Variants in CDC42BPA observed in about 807,000 individuals in gnomAD.
The protein encoded by CDC42BPA is serine/threonine-protein kinase MRCK alpha.
A neutral mutation model predicts 223.5 loss-of-function variants in CDC42BPA; 80 were observed. The ratio of observed to expected loss-of-function variants is 0.36; its 90% CI spans 0.30 to 0.43. The LOEUF (loss-of-function observed/expected upper bound fraction) is 0.43, where lower values mean the gene tolerates loss of function less well. CDC42BPA is among the 20% of genes least tolerant of loss of function. CDC42BPA has a pLI of 1.00. For synonymous variants in CDC42BPA, 694 were observed against 718.6 expected, an observed-to-expected ratio of 0.97 and a Z score of 0.55; for missense variants, 1,743 against 2,099.9, an observed-to-expected ratio of 0.83 and a Z score of 3.32.
At chr1:227,222,678 G>T (rs1007879316) in intron 2 of CDC42BPA, among the ~76,000 whole-genome samples, 5 of 152,208 alleles carry the variant, frequency 3.3e-5, no homozygotes, top group African/African-American at 1.2e-4. Flanking sequence ...CAGTCTGTTA[G>T]CATTAGATCA....
chr1:227,083,454 A>G (rs1435299486), intron 16 of CDC42BPA, among the ~76,000 whole-genome samples: 3 of 152,174 alleles, frequency 2.0e-5, no homozygotes, highest in Non-Finnish European at 4.4e-5. Flanking sequence ...TCTTGAACAA[A>G]TCACACGATT....
At chr1:227,088,566 C>T (rs1414998580) in intron 16 of CDC42BPA, among the ~76,000 whole-genome samples, 2 of 152,154 alleles carry the variant, frequency 1.3e-5, no homozygotes, top group Admixed American at 1.3e-4. Flanking sequence ...ATATTTTCCA[C>T]ATTTTTTGAA....
intron 5 of CDC42BPA, among the ~76,000 whole-genome samples, chr1:227,176,097 C>A (rs996828789): frequency 6.6e-6 from 1 of 152,028 alleles, no homozygotes; most frequent in Non-Finnish European, 1.5e-5. Flanking sequence ...GGACTACAGG[C>A]GTGTGATACC....
At chr1:227,103,757 CAATAA>C (rs1437309133) in intron 14 of CDC42BPA, among the ~76,000 whole-genome samples, 7 of 152,008 alleles carry the variant, frequency 4.6e-5, no homozygotes, top group African/African-American at 1.4e-4. Context: ...CACCAGCTAG[CAATAA>C]AATAACAAAA....
chr1:227,018,315 G>C (rs1666711475), intron 32 of CDC42BPA, among the ~76,000 whole-genome samples: 1 of 152,190 alleles, frequency 6.6e-6, no homozygotes, highest in Non-Finnish European at 1.5e-5. Flanking sequence ...GTGGCAATGG[G>C]AGATTTTGGA....
intron 2 of CDC42BPA, among the ~76,000 whole-genome samples, chr1:227,249,841 T>C (rs1459570086): frequency 6.6e-6 from 1 of 152,074 alleles, no homozygotes; most frequent in African/African-American, 2.4e-5. Flanking sequence ...ATGGGGATGA[T>C]TAATGAGTAC....
chr1:227,139,771 C>A, intron 9 of CDC42BPA, 29 bp from the exon 10 acceptor site: 1 of 1,386,606 alleles, frequency 7.2e-7, no homozygotes, highest in Non-Finnish European at 9.5e-7. Context: ...AATGTAGGTT[C>A]ATACTGTGAT....
chr1:227,035,734 G>C (rs1163648835), intron 24 of CDC42BPA, 127 bp from the exon 25 acceptor site: 1 of 613,440 alleles, frequency 1.6e-6, no homozygotes, highest in Non-Finnish European at 2.7e-6. Context: ...TTAAATAACT[G>C]TTTTATCATT....
In CDC42BPA at chr1:227,202,312, A is replaced by G. The variant is rs1421109422; in HGVS notation, c.355-2660T>C. The stretch of plus-strand genomic sequence containing the variant: ...GGTTCTTTTTAAGGGGAAAACAGAA[A>G]GCACTTTACATACTTACTACCAAGT... On this transcript the variant is annotated intron_variant, in intron 3 of 36. Coordinates refer to ENST00000366766, the MANE Select transcript of CDC42BPA (RefSeq NM_001394014.1). Among the ~76,000 whole-genome samples, 5 of 152,300 alleles carry G rather than the reference A, an allele frequency of 3.3e-5. No homozygotes were observed. The South Asian group carries it at 8.3e-4, about 25-fold the overall frequency.
At chr1:227,088,619 T>A (rs2149216290) in intron 16 of CDC42BPA, among the ~76,000 whole-genome samples, 1 of 152,318 alleles carries the variant, frequency 6.6e-6, no homozygotes, top group South Asian at 2.1e-4. Flanking sequence ...AAATTACAAC[T>A]TTTCTTACTG....
At chr1:227,237,849 G>A (rs1012262915) in intron 2 of CDC42BPA, among the ~76,000 whole-genome samples, 1 of 151,556 alleles carries the variant, frequency 6.6e-6, no homozygotes, top group Non-Finnish European at 1.5e-5. Context: ...AGACCAGCCT[G>A]ACCAACATGG....
chr1:227,185,259 G>T (rs556291197), intron 5 of CDC42BPA, among the ~76,000 whole-genome samples: 1 of 152,208 alleles, frequency 6.6e-6, no homozygotes, highest in East Asian at 1.9e-4. Flanking sequence ...GTCCTTGGAA[G>T]ATTTTTCGCA....
intron 34 of CDC42BPA, among the ~76,000 whole-genome samples, chr1:227,013,191 TG>T (rs1025230794): frequency 1.3e-5 from 2 of 152,052 alleles, no homozygotes; most frequent in Non-Finnish European, 2.9e-5. Flanking sequence ...CATTAAAAAC[TG>T]AAATGCAATG....
chr1:227,125,464 T>C (rs776286936), intron 11 of CDC42BPA, among the ~76,000 whole-genome samples: 1 of 151,482 alleles, frequency 6.6e-6, no homozygotes, highest in Non-Finnish European at 1.5e-5. Flanking sequence ...ATACAAAAAA[T>C]TAGCTGGGTG....
chr1:227,076,709 T>G (rs1679562610), intron 17 of CDC42BPA, among the ~76,000 whole-genome samples: 1 of 152,222 alleles, frequency 6.6e-6, no homozygotes, highest in African/African-American at 2.4e-5. Context: ...TTATTATTAC[T>G]ATACATAATC....
chr1:227,151,871 C>G (rs1661817908), intron 6 of CDC42BPA, among the ~76,000 whole-genome samples: 1 of 107,074 alleles, frequency 9.3e-6, no homozygotes, highest in Non-Finnish European at 1.8e-5. Context: ...AGGTCATAAC[C>G]CAGTCTCTAC....
intron 23 of CDC42BPA, among the ~76,000 whole-genome samples, chr1:227,045,224 A>T (rs1672191970): frequency 6.6e-6 from 1 of 152,114 alleles, no homozygotes; most frequent in South Asian, 2.1e-4. Context: ...TCAAAATGCA[A>T]TTTTTTCCCC....
chr1:227,185,293 T>G (rs1459416810), intron 5 of CDC42BPA, among the ~76,000 whole-genome samples: 1 of 152,142 alleles, frequency 6.6e-6, no homozygotes, highest in Non-Finnish European at 1.5e-5. Context: ...ATGAAAGCCT[T>G]GGGTCTTAGA....
rs143404397 is a variant in CDC42BPA, at chr1:226,994,828, C to T, written c.5128G>A (p.Gly1710Arg). The T allele has an allele frequency of 1.9e-5, 30 of 1,609,718 alleles. No individual in the cohort carries two copies. Among genetic ancestry groups the T allele is most frequent in the East Asian group, 4.5e-5 (2 of 44,764 alleles). Residue 1710 changes from glycine (G) to arginine (R), a missense_variant, in exon 36 of 37, where the codon GGA becomes AGA. Coordinates refer to ENST00000366766, the MANE Select transcript of CDC42BPA (RefSeq NM_001394014.1). This position sits in a 1 kb window ranked among gnomAD's most constrained non-coding sequence, Gnocchi z 4.0. ...GSDAPARDFD[G>R]EDSDSPRHST... Reference sequence around the variant, plus strand: ...CCGGAACCCTGCCCACTCACCTCTCCGTCAAAGTCCCTCGCTGGGGCATCA... The same window carrying T: ...CCGGAACCCTGCCCACTCACCTCTCTGTCAAAGTCCCTCGCTGGGGCATCA...
Sources: allele counts gnomAD v4.1 joint callset (sites outside exome capture counted in the v4.1 genomes callset), GRCh38; gene constraint gnomAD v4.1.1; non-coding constraint Gnocchi (gnomAD v3.1); transcripts MANE v1.5; gene names NCBI Gene and HGNC (gene_info 2026-07-23, HGNC 2026-07-21).